FAM81A: variants seen among roughly 807,000 people sequenced by gnomAD.
The protein encoded by FAM81A is family with sequence similarity 81 member A, also known as protein FAM81A.
A neutral mutation model predicts 46.7 loss-of-function variants in FAM81A; 19 were observed. That is an observed-to-expected ratio of 0.41 (90% CI 0.28 to 0.60). The LOEUF is 0.60. FAM81A is among the 20% of genes least tolerant of loss of function. The pLI is 0.34. For missense variants in FAM81A, 377 were observed against 453.5 expected, an observed-to-expected ratio of 0.83 and a Z score of 1.53; for synonymous variants, 183 against 152.9, an observed-to-expected ratio of 1.20 and a Z score of -1.45.
At chr15:59,426,480 G>T (rs1359810332) in intron 2 of FAM81A, among the ~76,000 whole-genome samples, 2 of 152,190 alleles carry the variant, frequency 1.3e-5, no homozygotes, top group African/African-American at 4.8e-5. Flanking sequence ...AGGCGTGGTG[G>T]CGCATGCCTG....
chr15:59,486,377 C>T (rs1430213201), intron 3 of FAM81A, among the ~76,000 whole-genome samples: 8 of 151,722 alleles, frequency 5.3e-5, no homozygotes, highest in Admixed American at 4.6e-4. Flanking sequence ...AAAAATGATG[C>T]ACACCTACGA....
At chr15:59,413,828 G>T (rs2081133537) in intron 2 of FAM81A, among the ~76,000 whole-genome samples, 1 of 152,152 alleles carries the variant, frequency 6.6e-6, no homozygotes, top group Non-Finnish European at 1.5e-5. Context: ...ATTTGCTTGG[G>T]AAGCCACAGC....
intron 6 of FAM81A, among the ~76,000 whole-genome samples, chr15:59,512,810 T>C (rs1009395760): frequency 6.6e-6 from 1 of 152,220 alleles, no homozygotes; most frequent in Admixed American, 6.5e-5. Context: ...CCCAGTCACC[T>C]GGGACAGGGA....
At chr15:59,514,589 A>G (rs1262677699) in intron 7 of FAM81A, among the ~76,000 whole-genome samples, 165 bp downstream of exon 7, 2 of 152,238 alleles carry the variant, frequency 1.3e-5, no homozygotes, top group African/African-American at 4.8e-5. Flanking sequence ...TTCTTCATAA[A>G]GACATAGAAC....
chr15:59,453,219 G>T (rs1479970945), intron 1 of FAM81A, among the ~76,000 whole-genome samples: 1 of 152,214 alleles, frequency 6.6e-6, no homozygotes, highest in African/African-American at 2.4e-5. Flanking sequence ...TGTGGCTAAT[G>T]CCTGGTGATG....
At chr15:59,502,153 T>TTTTTTC (rs199767871) in intron 4 of FAM81A, among the ~76,000 whole-genome samples, 6,459 of 150,794 alleles carry the variant, frequency 0.043, 237 homozygotes, top group Non-Finnish European at 0.063. Context: ...TATTTTTTAT[T>TTTTTTC]TTTTTCTTTT....
chr15:59,488,554 TAAAC>T (rs1157233805), intron 3 of FAM81A, among the ~76,000 whole-genome samples: 3 of 152,212 alleles, frequency 2.0e-5, no homozygotes, highest in Admixed American at 1.3e-4. Flanking sequence ...TTAGTACTGA[TAAAC>T]AAATTCAATA....
intron 4 of FAM81A, among the ~76,000 whole-genome samples, chr15:59,503,676 G>C (rs757514001): frequency 7.9e-5 from 12 of 151,948 alleles, no homozygotes; most frequent in African/African-American, 2.9e-4. Context: ...AGGCTCAAGC[G>C]ATTCTTGTGC....
chr15:59,471,023 C>T (rs954907830), intron 3 of FAM81A, among the ~76,000 whole-genome samples: 1 of 152,120 alleles, frequency 6.6e-6, no homozygotes, highest in Non-Finnish European at 1.5e-5. Context: ...CCATGTTGCC[C>T]AGGTTGGTCT....
intron 6 of FAM81A, among the ~76,000 whole-genome samples, chr15:59,513,456 T>A (rs549534140): frequency 1.3e-5 from 2 of 152,304 alleles, no homozygotes; most frequent in South Asian, 2.1e-4. Context: ...TCTGTGTCGC[T>A]GTGTCACCTC....
chr15:59,499,523 A>C (rs2082068802), intron 4 of FAM81A, among the ~76,000 whole-genome samples: 1 of 152,170 alleles, frequency 6.6e-6, no homozygotes, highest in South Asian at 2.1e-4. Context: ...TGAGGATTCA[A>C]ATTACTAACT....
chr15:59,518,777 C>CT (rs560881477), intron 8 of FAM81A, among the ~76,000 whole-genome samples: 20 of 150,554 alleles, frequency 1.3e-4, no homozygotes, highest in South Asian at 8.4e-4. Context: ...AGTCTAGTGT[C>CT]TTTTTTTTTC....
intron 8 of FAM81A, among the ~76,000 whole-genome samples, chr15:59,520,930 A>T (rs1180799354): frequency 6.6e-6 from 1 of 152,098 alleles, no homozygotes; most frequent in African/African-American, 2.4e-5. Context: ...TCAAGAAGTG[A>T]TGTTGTGCCC....
intron 1 of FAM81A, among the ~76,000 whole-genome samples, chr15:59,451,403 T>C (rs1284595310): frequency 6.6e-6 from 1 of 152,050 alleles, no homozygotes; most frequent in Non-Finnish European, 1.5e-5. Context: ...CCCTCTATTA[T>C]AGAGCTTTTC....
intron 1 of FAM81A, among the ~76,000 whole-genome samples, chr15:59,400,307 T>G (rs1437372251): frequency 6.6e-6 from 1 of 152,010 alleles, no homozygotes; most frequent in Non-Finnish European, 1.5e-5. Context: ...ATCCAGCCAC[T>G]CACGGGTCTG....
At chr15:59,513,121 A>C (rs779004640) in intron 6 of FAM81A, among the ~76,000 whole-genome samples, 3 of 152,200 alleles carry the variant, frequency 2.0e-5, no homozygotes, top group Non-Finnish European at 4.4e-5. Flanking sequence ...TAAAAACTGG[A>C]AAGAAGTAAT....
In FAM81A at chr15:59,460,053, C is replaced by G. The variant is rs115716954; in HGVS notation, c.141C>G (p.Leu47=). The G allele has an allele frequency of 8.1e-6, 13 of 1,613,918 alleles. No homozygotes were observed. Among genetic ancestry groups the G allele is most frequent in the Non-Finnish European group, 1.1e-5 (13 of 1,179,896 alleles). Residue 47 remains leucine, a synonymous_variant, in exon 3 of 9, where the codon CTC becomes CTG. Transcript: ENST00000288228. This position sits in a 1 kb window ranked among gnomAD's most constrained non-coding sequence, Gnocchi z 4.4. The part of the protein sequence containing the change: ...ILCHEKTTAA[L]VEHAFRIKDD... Reference sequence around the variant, plus strand: ...GCCATGAGAAAACCACCGCCGCCCTCGTAGAGCACGCCTTTCGGATTAAAG... The same window carrying G: ...GCCATGAGAAAACCACCGCCGCCCTGGTAGAGCACGCCTTTCGGATTAAAG...
intron 2 of FAM81A, among the ~76,000 whole-genome samples, chr15:59,412,736 AC>A (rs2081127646): frequency 6.9e-6 from 1 of 145,930 alleles, no homozygotes; most frequent in African/African-American, 2.5e-5. Context: ...AAAAGGTGTT[AC>A]GGTGTTACAG....
chr15:59,462,509 T>G (rs1411753558), intron 3 of FAM81A, among the ~76,000 whole-genome samples: 2 of 152,192 alleles, frequency 1.3e-5, no homozygotes, highest in Non-Finnish European at 2.9e-5. Flanking sequence ...ATTTTCTTCA[T>G]TGTGGGGAAA....
Sources: gnomAD v4.1 joint callset for allele counts (sites outside exome capture counted in the v4.1 genomes callset) on GRCh38, gnomAD v4.1.1 for gene constraint, Gnocchi (gnomAD v3.1) non-coding constraint, MANE v1.5 for transcripts, NCBI Gene and HGNC (gene_info 2026-07-23, HGNC 2026-07-21) for gene names.